CLDN16: variants seen among roughly 807,000 people sequenced by gnomAD.
CLDN16 encodes claudin-16.
CLDN16 carries 13 observed loss-of-function variants against 24.6 expected under a neutral mutation model. The ratio of observed to expected loss-of-function variants is 0.53; its 90% CI spans 0.34 to 0.84. CLDN16 has a LOEUF of 0.84. Ranked by LOEUF, CLDN16 falls within the 40% of genes least tolerant of loss-of-function variation. The pLI, the probability that CLDN16 is intolerant of heterozygous loss-of-function variation, is 0.01. For synonymous variants in CLDN16, 116 were observed against 106.7 expected, an observed-to-expected ratio of 1.09 and a Z score of -0.54; for missense variants, 298 against 292.7, an observed-to-expected ratio of 1.02 and a Z score of -0.13.
chr3:190,374,088 C>T (rs1718197819), intron 2 of CLDN16, among the ~76,000 whole-genome samples: 1 of 151,716 alleles, frequency 6.6e-6, no homozygotes, highest in Non-Finnish European at 1.5e-5. Flanking sequence ...AAAATTTTAG[C>T]TCGTTGGGTT....
chr3:190,342,667 T>G (rs1271520887), intron 1 of CLDN16, among the ~76,000 whole-genome samples: 1 of 152,134 alleles, frequency 6.6e-6, no homozygotes, highest in East Asian at 1.9e-4. Flanking sequence ...TCCAAACATT[T>G]ACAGTTAACT....
intron 1 of CLDN16, among the ~76,000 whole-genome samples, chr3:190,335,001 C>A (rs562359125): frequency 2.1e-5 from 3 of 145,322 alleles, no homozygotes; most frequent in South Asian, 4.5e-4. Context: ...TCTTTTTATT[C>A]TTTTCTTTCC....
chr3:190,322,254 G>T, upstream of CLDN16: 8 of 1,572,950 alleles, frequency 5.1e-6, no homozygotes, highest in Non-Finnish European at 6.1e-6. Context: ...GGTGCAGAAG[G>T]CGGAGAGTTT....
chr3:190,360,690 T>C (rs1717869556), intron 1 of CLDN16, among the ~76,000 whole-genome samples: 1 of 151,974 alleles, frequency 6.6e-6, no homozygotes, highest in Non-Finnish European at 1.5e-5. Context: ...TTTCCTCCTT[T>C]CCTGCTTTTC....
At chr3:190,341,247 A>G (rs1174015054) in intron 1 of CLDN16, among the ~76,000 whole-genome samples, 1 of 152,202 alleles carries the variant, frequency 6.6e-6, no homozygotes, top group Non-Finnish European at 1.5e-5. Context: ...ACACTGCCCT[A>G]GCAGAGGTTC....
the CLDN16 span, among the ~76,000 whole-genome samples, chr3:190,302,258 C>A: frequency 1.3e-5 from 2 of 152,202 alleles, no homozygotes; most frequent in Non-Finnish European, 2.9e-5. Flanking sequence ...CTTCCTCCAA[C>A]CTTCTCAATA....
At chr3:190,359,906 G>C (rs1430058177) in intron 1 of CLDN16, among the ~76,000 whole-genome samples, 1 of 152,004 alleles carries the variant, frequency 6.6e-6, no homozygotes, top group African/African-American at 2.4e-5. Context: ...GGCTCGATGT[G>C]AAGAAACATG....
intron 1 of CLDN16, among the ~76,000 whole-genome samples, chr3:190,340,752 A>C (rs1560082517): frequency 6.6e-6 from 1 of 152,194 alleles, no homozygotes; most frequent in Non-Finnish European, 1.5e-5. Flanking sequence ...ATCTGAGACA[A>C]GGCAAGCCCC....
the CLDN16 span, among the ~76,000 whole-genome samples, chr3:190,292,408 T>C: frequency 6.6e-6 from 1 of 152,192 alleles, no homozygotes; most frequent in African/African-American, 2.4e-5. Flanking sequence ...TACAGCAGTA[T>C]GGCCCTGAGC....
intron 4 of CLDN16, 43 bp downstream of exon 4, chr3:190,408,548 C>G: frequency 6.4e-7 from 1 of 1,554,090 alleles, no homozygotes; most frequent in Non-Finnish European, 8.9e-7. Context: ...CCTCCACTAT[C>G]GTTTTTCCCA....
upstream of CLDN16, chr3:190,322,486 C>T (rs1176202747): frequency 2.2e-6 from 1 of 456,420 alleles, no homozygotes; most frequent in South Asian, 2.4e-5. Context: ...CAGCTCCGCC[C>T]GCCTCAGCCC....
chr3:190,304,870 G>A, the CLDN16 span, among the ~76,000 whole-genome samples: 1 of 152,178 alleles, frequency 6.6e-6, no homozygotes, highest in Non-Finnish European at 1.5e-5. Flanking sequence ...TGTTAAACAA[G>A]AGGAGGAAAG....
At chr3:190,397,227 A>G (rs1252428385) in intron 1 of CLDN16, among the ~76,000 whole-genome samples, 1 of 152,214 alleles carries the variant, frequency 6.6e-6, no homozygotes, top group Non-Finnish European at 1.5e-5. Flanking sequence ...CTCTCCATTT[A>G]GCAGGTAATC....
At chr3:190,310,457 T>G in the CLDN16 span, among the ~76,000 whole-genome samples, 1 of 152,192 alleles carries the variant, frequency 6.6e-6, no homozygotes, top group African/African-American at 2.4e-5. Flanking sequence ...TAGGTTGGCA[T>G]TAGACAAAAT....
At chr3:190,321,064 C>A (rs1343616521), upstream of CLDN16, among the ~76,000 whole-genome samples, 1 of 152,156 alleles carries the variant, frequency 6.6e-6, no homozygotes, top group African/African-American at 2.4e-5. Flanking sequence ...GGTCACTGAA[C>A]ATCCATTACA....
intron 1 of CLDN16, among the ~76,000 whole-genome samples, chr3:190,355,133 C>T (rs570345071): frequency 6.6e-6 from 1 of 152,076 alleles, no homozygotes; most frequent in South Asian, 2.1e-4. Context: ...TACACTTACA[C>T]ACAACAAAAC....
At chr3:190,379,580 C>T (rs190583666) in intron 3 of CLDN16, among the ~76,000 whole-genome samples, 4 of 152,136 alleles carry the variant, frequency 2.6e-5, no homozygotes, top group Admixed American at 1.3e-4. Flanking sequence ...CTTCAACAAA[C>T]AAACAAACAA....
At chr3:190,372,425 T>C (rs536839811) in intron 2 of CLDN16, among the ~76,000 whole-genome samples, 70 of 152,016 alleles carry the variant, frequency 4.6e-4, no homozygotes, top group Admixed American at 1.0e-3. Flanking sequence ...GTAGTATCAC[T>C]TGAGGCCAGG....
At chr3:190,380,529 G>A (rs1231149742) in intron 3 of CLDN16, among the ~76,000 whole-genome samples, 5 of 152,006 alleles carry the variant, frequency 3.3e-5, no homozygotes, top group Admixed American at 6.6e-5. Flanking sequence ...AGAGACTGAA[G>A]TATTCATGGG....
Sources: gnomAD v4.1 joint callset for allele counts (sites outside exome capture counted in the v4.1 genomes callset) on GRCh38, gnomAD v4.1.1 for gene constraint, MANE v1.5 for transcripts, NCBI Gene and HGNC (gene_info 2026-07-23, HGNC 2026-07-21) for gene names.